Variants in ZNF766 observed in about 807,000 individuals in gnomAD.
ZNF766 encodes zinc finger protein 766.
A neutral mutation model predicts 13.2 loss-of-function variants in ZNF766; 13 were observed. The ratio of observed to expected loss-of-function variants is 0.98; its 90% CI spans 0.64 to 1.56. ZNF766 has a LOEUF of 1.56. Among genes scored for constraint, ZNF766 ranks in the 40% most tolerant of loss-of-function variants. The probability of loss-of-function intolerance (pLI) is 0.00; values close to 1 mark genes in which losing one functional copy is unlikely to be tolerated. For synonymous variants in ZNF766, 178 were observed against 187.6 expected (o/e 0.95, Z 0.42); for missense variants, 521 against 552.2 (o/e 0.94, Z 0.57).
chr19:52,280,470 CTAAG>C (rs1426337651), intron 1 of ZNF766, among the ~76,000 whole-genome samples: 1 of 152,162 alleles, frequency 6.6e-6, no homozygotes, highest in Non-Finnish European at 1.5e-5. Flanking sequence ...ACTTTATAAA[CTAAG>C]TGTGTGTAAG....
rs753594163 is a variant in ZNF766 at position 52,283,413 on chromosome 19, G to A, written c.274G>A (p.Gly92Arg). Residue 92 changes from glycine (G) to arginine (R), a missense_variant and splice_region_variant, in exon 3 of 4, where the codon GGG becomes AGG. Coordinates refer to ENST00000439461, the MANE Select transcript of ZNF766 (RefSeq NM_001010851.3). ...GGAAGGTATCAAAGATATCAACACA[G>A]GTAAGAGCTCAGATGGACAGAGTGA... ...RWEGIKDINTGRSCAVRSKAG... is the reference protein window; with the variant it reads ...RWEGIKDINTRRSCAVRSKAG... 2.5e-6 allele frequency: 4 copies of A among 1,586,948 alleles called. No homozygotes were observed. Among genetic ancestry groups the A allele is most frequent in the Non-Finnish European group, 3.4e-6 (4 of 1,166,018 alleles).
At chr19:52,277,611 G>C in intron 1 of ZNF766, 1 of 1,491,374 alleles carries the variant, frequency 6.7e-7, no homozygotes, top group Non-Finnish European at 9.0e-7. Context: ...CTGGAGTTGA[G>C]AATCTTCTCT....
At chr19:52,282,443 C>G (rs1981577209) in intron 2 of ZNF766, 1 of 397,660 alleles carries the variant, frequency 2.5e-6, no homozygotes, top group Non-Finnish European at 4.5e-6. Context: ...CGAGACCAAC[C>G]TGACCAAAAT....
intron 1 of ZNF766, among the ~76,000 whole-genome samples, chr19:52,270,138 G>A (rs1168600560): frequency 6.6e-6 from 1 of 152,140 alleles, no homozygotes; most frequent in Admixed American, 6.5e-5. Context: ...GTTGGGGGAG[G>A]TGGCCGGGAC....
chr19:52,273,848 C>T (rs553148588), intron 1 of ZNF766, among the ~76,000 whole-genome samples: 46 of 152,304 alleles, frequency 3.0e-4, no homozygotes, highest in African/African-American at 1.0e-3. Context: ...GTGGAGCTCA[C>T]CCCTGTTTTC....
rs982280548 is a variant in ZNF766, at chr19:52,292,184, T to A, written c.*986T>A. ...GTGGTCTGGGAAAGAATCAGTAAGA[T>A]GACAGGGCTGACTTCATTAGATGAG... On this transcript the variant is annotated 3_prime_UTR_variant, in exon 4 of 4. Coordinates refer to ENST00000439461, the MANE Select transcript of ZNF766 (RefSeq NM_001010851.3). 7 of 702,744 alleles carry A rather than the reference T, an allele frequency of 1.0e-5. No individual in the cohort carries two copies. The highest frequency in any genetic ancestry group is 1.8e-5 in the Non-Finnish European group (7 of 384,924). 43.5% of individuals were successfully genotyped at this position (702,744 alleles called of 1,614,324 possible).
chr19:52,290,125 T>C lies in ZNF766; in HGVS notation c.334T>C (p.Leu112=). The C allele has an allele frequency of 6.2e-7, 1 of 1,614,142 alleles. No individual in the cohort carries two copies. The highest frequency in any genetic ancestry group is 8.5e-7 in the Non-Finnish European group (1 of 1,179,990). ...GNKPITNQLG[L]TFQLPLPELE... is the part of the protein sequence containing the mutation. ...CAAGCCTATTACAAATCAACTTGGA[T>C]TAACCTTTCAGTTACCTCTGCCAGA... Residue 112 remains leucine (L), a synonymous_variant, in exon 4 of 4, where the codon TTA becomes CTA. Coordinates refer to ENST00000439461, the MANE Select transcript of ZNF766 (RefSeq NM_001010851.3).
At chr19:52,269,831 G>C (rs1980894851) in intron 1 of ZNF766, among the ~76,000 whole-genome samples, 200 bp downstream of exon 1, 1 of 152,306 alleles carries the variant, frequency 6.6e-6, no homozygotes, top group South Asian at 2.1e-4. Flanking sequence ...GGGCTGCGTA[G>C]GCAGCTGCTT....
At chr19:52,276,443 A>G (rs1025000470) in intron 1 of ZNF766, among the ~76,000 whole-genome samples, 1 of 151,242 alleles carries the variant, frequency 6.6e-6, no homozygotes, top group Non-Finnish European at 1.5e-5. Flanking sequence ...ATGGATACAG[A>G]CCCCATGCAC....
At chr19:52,279,959 C>G (rs1981411979) in intron 1 of ZNF766, among the ~76,000 whole-genome samples, 1 of 151,740 alleles carries the variant, frequency 6.6e-6, no homozygotes, top group Admixed American at 6.6e-5. Flanking sequence ...CCACGCCTAG[C>G]TAATTTTTGC....
In ZNF766 at chr19:52,291,693, A is replaced by T. The variant is rs1982152816; in HGVS notation, c.*495A>T. ...AGAATTGCTTGAATCCAGGAGGCAG[A>T]GGTTGTTGCAGTGAGCTGAGATCGC... On this transcript the variant is annotated 3_prime_UTR_variant, in exon 4 of 4. Coordinates refer to ENST00000439461, the MANE Select transcript of ZNF766 (RefSeq NM_001010851.3). 1 of 160,278 alleles carries T rather than the reference A, an allele frequency of 6.2e-6. No individual in the cohort carries two copies. The highest frequency in any genetic ancestry group is 1.8e-4 in the South Asian group (1 of 5,476). 9.9% of individuals were successfully genotyped at this position (160,278 alleles called of 1,614,324 possible). A position where few individuals can be genotyped will look rare whatever the true frequency, so the allele number is the denominator to read the frequency against.
Position 52,291,251 on chromosome 19 carries a change from T to C in ZNF766, c.*53T>C. The C allele has an allele frequency of 6.7e-6, 10 of 1,486,496 alleles. No homozygotes were observed. The South Asian group carries it at 1.2e-4, about 18-fold the overall frequency. 92.1% of individuals were successfully genotyped at this position (1,486,496 alleles called of 1,614,324 possible). On this transcript the variant is annotated 3_prime_UTR_variant, in exon 4 of 4. Transcript: ENST00000439461. ...GCAGTAATCAACATCCGAGAGTCTA[T>C]ACTAGAAAGAAATCATTTAAATGTA...
Position 52,269,756 on chromosome 19 carries a change from C to G in ZNF766, c.18+125C>G. ...CCGCTCTCTCCACCCCGAGTAAATT[C>G]ATGCGTCCCGTCAGAGTGTTAAAAT... On this transcript the variant is annotated intron_variant, in intron 1 of 3. Coordinates refer to ENST00000439461, the MANE Select transcript of ZNF766 (RefSeq NM_001010851.3). The G allele has an allele frequency of 3.1e-6, 4 of 1,275,400 alleles. No individual in the cohort carries two copies. In the South Asian group the frequency reaches 4.2e-5, roughly 13 times the overall value. The allele number at this position is 1,275,400 out of a possible 1,614,324, so 79.0% of individuals were successfully genotyped here.
chr19:52,293,252 C>G lies in ZNF766; in HGVS notation c.*2054C>G, dbSNP rs919210131. On this transcript the variant is annotated 3_prime_UTR_variant, in exon 4 of 4. Coordinates refer to ENST00000439461, the MANE Select transcript of ZNF766 (RefSeq NM_001010851.3). ...GCAATGGCACGATCTTGGCTCACTG[C>G]ATCCTCTGCCTCCCGGGTTCAAGTG... 6.7e-6 allele frequency: 1 copy of G among 149,860 alleles called. No individual in the cohort carries two copies. Among genetic ancestry groups the G allele is most frequent in the Non-Finnish European group, 1.5e-5 (1 of 67,870 alleles). The allele number at this position is 149,860 out of a possible 1,614,324, so 9.3% of individuals were successfully genotyped here.
At chr19:52,282,709 TC>T (rs1343867792) in intron 2 of ZNF766, 1 of 154,764 alleles carries the variant, frequency 6.5e-6, no homozygotes, top group African/African-American at 2.4e-5. Context: ...ATTCCCCCTT[TC>T]TTCAGACATT....
chr19:52,280,879 C>T (rs1352632550), intron 1 of ZNF766, among the ~76,000 whole-genome samples: 2 of 146,976 alleles, frequency 1.4e-5, no homozygotes, highest in South Asian at 2.5e-4. Flanking sequence ...CACTTTTGGC[C>T]GTGCGTGATG....
chr19:52,288,669 T>C (rs55995319), intron 3 of ZNF766, among the ~76,000 whole-genome samples: 12,843 of 150,518 alleles, frequency 0.085, 1,201 homozygotes, highest in African/African-American at 0.23. Context: ...GCTGCGATTA[T>C]AGGTGTGAGC....
chr19:52,277,745 C>T (rs1416147815), intron 1 of ZNF766, among the ~76,000 whole-genome samples: 1 of 151,984 alleles, frequency 6.6e-6, no homozygotes, highest in Non-Finnish European at 1.5e-5. Context: ...AGAGGCTGCA[C>T]TGGGCGTGAT....
intron 3 of ZNF766, 40 bp downstream of exon 3, chr19:52,283,453 T>C: frequency 6.6e-7 from 1 of 1,523,620 alleles, no homozygotes; most frequent in Non-Finnish European, 8.8e-7. Context: ...CACACTTTTT[T>C]TTTTTTTTTT....
Sources: gnomAD v4.1 joint callset for allele counts (sites outside exome capture counted in the v4.1 genomes callset) on GRCh38, gnomAD v4.1.1 for gene constraint, MANE v1.5 for transcripts, NCBI Gene and HGNC (gene_info 2026-07-23, HGNC 2026-07-21) for gene names.